Variants in DNAH6 observed in about 807,000 individuals in gnomAD.
DNAH6 encodes the protein axonemal beta dynein heavy chain 6.
DNAH6 carries 340 observed loss-of-function variants against 491.4 expected under a neutral mutation model. The ratio of observed to expected loss-of-function variants is 0.69; its 90% CI spans 0.63 to 0.76. DNAH6 has a LOEUF of 0.76. Among genes scored for constraint, DNAH6 ranks in the 30% least tolerant of loss-of-function variants. The probability of loss-of-function intolerance (pLI) is 0.00; values close to 1 mark genes in which losing one functional copy is unlikely to be tolerated. For missense variants in DNAH6, 4,443 were observed against 4,972.2 expected (o/e 0.89, Z 3.20); for synonymous variants, 1,603 against 1,686.1 (o/e 0.95, Z 1.21).
chr2:84,692,024 A>G (rs1417152113), intron 45 of DNAH6, among the ~76,000 whole-genome samples: 2 of 152,260 alleles, frequency 1.3e-5, no homozygotes, highest in African/African-American at 4.8e-5. Context: ...AGAAGATCCT[A>G]AATAATGACT....
chr2:84,816,373 C>A (rs1240795684), intron 76 of DNAH6, among the ~76,000 whole-genome samples: 1 of 152,024 alleles, frequency 6.6e-6, no homozygotes, highest in Non-Finnish European at 1.5e-5. Context: ...TGAATAGACA[C>A]GAAAATCTCT....
At chr2:84,478,862 A>AT in the DNAH6 span, among the ~76,000 whole-genome samples, 1 of 152,144 alleles carries the variant, frequency 6.6e-6, no homozygotes, top group African/African-American at 2.4e-5. Context: ...AAGATGGTAA[A>AT]TGAGGGGAAT....
intron 11 of DNAH6, among the ~76,000 whole-genome samples, chr2:84,558,964 A>G (rs1254120099): frequency 6.6e-6 from 1 of 152,238 alleles, no homozygotes; most frequent in Non-Finnish European, 1.5e-5. Flanking sequence ...CCCATTTGTC[A>G]GTCATAAATA....
intron 29 of DNAH6, among the ~76,000 whole-genome samples, chr2:84,627,249 C>T (rs536624052): frequency 2.0e-4 from 30 of 152,314 alleles, no homozygotes; most frequent in Admixed American, 6.5e-4. Flanking sequence ...ATTTCAGGAC[C>T]ACTGTTCTAG....
Position 84,653,334 on chromosome 2 carries a change from C to A in DNAH6, c.5094C>A (p.Asp1698Glu). 1 of 1,533,036 alleles carries A rather than the reference C, an allele frequency of 6.5e-7. No individual in the cohort carries two copies. Among genetic ancestry groups the A allele is most frequent in the Non-Finnish European group, 8.8e-7 (1 of 1,136,476 alleles). The allele number at this position is 1,533,036 out of a possible 1,614,324, so 95.0% of individuals were successfully genotyped here. Residue 1698 changes from aspartate to glutamate, a missense_variant, in exon 34 of 77, where the codon GAC becomes GAA. Asp to Glu is a conservative substitution (Grantham distance 45, BLOSUM62 2). Transcript: ENST00000389394. ...GTTTTGACAGTGGAATCATATCTGA[C>A]CTTTTTCCTGGAGTCCAAATTCCAG... is the stretch of plus-strand genomic sequence containing the variant. ...DALLFSGIIS[D>E]LFPGVQIPEH...
chr2:84,462,648 G>A, the DNAH6 span, among the ~76,000 whole-genome samples: 1 of 152,164 alleles, frequency 6.6e-6, no homozygotes, highest in Non-Finnish European at 1.5e-5. Context: ...AAACATTACT[G>A]GTATTAAATC....
In DNAH6 at chr2:84,547,522, G is replaced by T. The variant is rs1678897012; in HGVS notation, c.1096G>T (p.Glu366Ter). The part of the protein sequence containing the change: ...VTERLGEFRN[E>*]AKYVVRRACR... Reference sequence around the variant, plus strand: ...AGAACGCCTAGGAGAATTTCGAAATGAGGCAAAATATGTAGTCAGGAGGGC... The same window carrying T: ...AGAACGCCTAGGAGAATTTCGAAATTAGGCAAAATATGTAGTCAGGAGGGC... The change falls in exon 7 of 77, where the codon GAG becomes TAG. Residue 366 changes from glutamate (E) to a stop codon, truncating the protein, a stop_gained. Coordinates refer to ENST00000389394, the MANE Select transcript of DNAH6 (RefSeq NM_001370.2). LOFTEE classifies it high-confidence loss of function. 1 of 1,551,686 alleles carries T rather than the reference G, an allele frequency of 6.4e-7. No individual in the cohort carries two copies. The highest frequency in any genetic ancestry group is 8.7e-7 in the Non-Finnish European group (1 of 1,146,954).
At position 84,547,607 on chromosome 2, in the gene DNAH6, T is replaced by C; in HGVS notation, c.1181T>C (p.Phe394Ser). The change falls in exon 7 of 77, where the codon TTT becomes TCT. Residue 394 changes from phenylalanine (F) to serine (S), a missense_variant. Around this residue, in one of 3 missense-constraint regions of DNAH6, gnomAD observed 2,977 missense variants for 3,296.6 expected, o/e 0.90. Transcript: ENST00000389394. ...CCTGATGACTGTGCATTTGGACCTT[T>C]TGAGGGTATGAAGGGGAAAGAACCT... ...FVPDDCAFGP[F>S]EDYHKVQSSG... 6.4e-7 allele frequency: 1 copy of C among 1,551,896 alleles called. No individual in the cohort carries two copies. The highest frequency in any genetic ancestry group is 2.4e-5 in the East Asian group (1 of 40,920).
chr2:84,478,856 T>C, the DNAH6 span, among the ~76,000 whole-genome samples: 9 of 152,094 alleles, frequency 5.9e-5, no homozygotes, highest in Non-Finnish European at 1.3e-4. Flanking sequence ...GAATTGAAGA[T>C]GGTAAATGAG....
intron 31 of DNAH6, among the ~76,000 whole-genome samples, chr2:84,639,808 A>G (rs1386297078): frequency 6.6e-6 from 1 of 152,218 alleles, no homozygotes; most frequent in Non-Finnish European, 1.5e-5. Context: ...GACACCAGTA[A>G]GAACTCTGCG....
chr2:84,462,274 G>T, the DNAH6 span, among the ~76,000 whole-genome samples: 54 of 152,312 alleles, frequency 3.5e-4, no homozygotes, highest in Non-Finnish European at 5.9e-5. Context: ...GTATTCAGTG[G>T]AAGGCTGATC....
intron 11 of DNAH6, 116 bp downstream of exon 11, chr2:84,558,051 C>A: frequency 1.6e-6 from 1 of 620,398 alleles, no homozygotes; most frequent in Non-Finnish European, 2.6e-6. Context: ...TTGGCATATG[C>A]CTAAATCTCT....
intron 22 of DNAH6, 94 bp from the exon 23 acceptor site, chr2:84,616,792 T>C (rs1448620082): frequency 3.6e-6 from 2 of 554,540 alleles, no homozygotes; most frequent in Admixed American, 4.2e-5. Context: ...AGGGAGAAGA[T>C]TCATAAATTG....
At chr2:84,623,851 G>A (rs1420340335) in intron 26 of DNAH6, among the ~76,000 whole-genome samples, 2 of 152,166 alleles carry the variant, frequency 1.3e-5, no homozygotes, top group South Asian at 2.1e-4. Context: ...ATATTAATGG[G>A]AAAACCACCC....
intron 54 of DNAH6, 95 bp from the exon 55 acceptor site, chr2:84,709,248 A>C: frequency 7.9e-7 from 1 of 1,270,302 alleles, no homozygotes; most frequent in Non-Finnish European, 1.1e-6. Flanking sequence ...TTAGCTCTTC[A>C]GCCACTGACT....
In DNAH6 at chr2:84,588,818, AT is replaced by A. The variant is rs779824252; in HGVS notation, c.2482-5del. On this transcript the variant is annotated splice_polypyrimidine_tract_variant and splice_region_variant and intron_variant, in intron 15 of 76. Coordinates refer to ENST00000389394, the MANE Select transcript of DNAH6 (RefSeq NM_001370.2). The stretch of plus-strand genomic sequence containing the variant: ...AATGGCTAACCAAAAACTGTCTTAA[AT>A]TTATAGGATCCACAGATTTTAGATA... 6 of 1,522,172 alleles carry A rather than the reference AT, an allele frequency of 3.9e-6. No individual in the cohort carries two copies. In the South Asian group the frequency reaches 6.5e-5, roughly 17 times the overall value. 94.3% of individuals were successfully genotyped at this position (1,522,172 alleles called of 1,614,324 possible).
At chr2:84,696,729 T>C (rs1472742232) in intron 46 of DNAH6, among the ~76,000 whole-genome samples, 2 of 152,214 alleles carry the variant, frequency 1.3e-5, no homozygotes, top group East Asian at 3.8e-4. Flanking sequence ...AACTTTTATA[T>C]AACTAAAAAG....
chr2:84,687,167 T>A (rs1356604936), intron 44 of DNAH6, among the ~76,000 whole-genome samples: 1 of 152,208 alleles, frequency 6.6e-6, no homozygotes, highest in Non-Finnish European at 1.5e-5. Context: ...TTTTACCCTC[T>A]GGACCTAATT....
the DNAH6 span, among the ~76,000 whole-genome samples, chr2:84,461,728 T>C: frequency 6.6e-6 from 1 of 152,246 alleles, no homozygotes; most frequent in Non-Finnish European, 1.5e-5. Context: ...GATCATGTTT[T>C]AAAGGTTTTA....
Sources: allele counts gnomAD v4.1 joint callset (sites outside exome capture counted in the v4.1 genomes callset), GRCh38; gene constraint gnomAD v4.1.1; regional missense constraint gnomAD v4.1.1; transcripts MANE v1.5; gene names NCBI Gene and HGNC (gene_info 2026-07-23, HGNC 2026-07-21).